The following KCNQ1 variants were observed in gnomAD, a reference collection of about 807,000 sequenced individuals.
KCNQ1 encodes potassium voltage-gated channel subfamily Q member 1.
In KCNQ1, 49 loss-of-function variants were observed where a neutral mutation model predicts 72.4. That is an observed-to-expected ratio of 0.68 (90% CI 0.54 to 0.86). The LOEUF is 0.86. Among genes scored for constraint, KCNQ1 ranks in the 40% least tolerant of loss-of-function variants. KCNQ1 has a pLI of 0.00. For synonymous variants in KCNQ1, 450 were observed against 412.6 expected, an observed-to-expected ratio of 1.09 and a Z score of -1.10; for missense variants, 790 against 945.1, an observed-to-expected ratio of 0.84 and a Z score of 2.15.
At chr11:2,641,708 T>C (rs1454540229) in intron 10 of KCNQ1, 1 of 398,326 alleles carries the variant, frequency 2.5e-6, no homozygotes, top group African/African-American at 2.1e-5. Context: ...AATCTTTCCC[T>C]AGACCAATGT....
chr11:2,656,169 T>G (rs560855435), intron 10 of KCNQ1: 2 of 398,540 alleles, frequency 5.0e-6, no homozygotes, highest in African/African-American at 4.1e-5. Context: ...CATCAAAATA[T>G]GTTTTTTCTT....
Position 2,508,778 on chromosome 11 carries a change from G to A in KCNQ1, c.387-19150G>A, listed in dbSNP as rs1014080412. Among the ~76,000 whole-genome samples, 4 of 152,214 alleles carry A rather than the reference G, an allele frequency of 2.6e-5. No individual in the cohort carries two copies. The highest frequency in any genetic ancestry group is 7.2e-5 in the African/African-American group (3 of 41,462). On this transcript the variant is annotated intron_variant, in intron 1 of 15. Coordinates refer to ENST00000155840, the MANE Select transcript of KCNQ1 (RefSeq NM_000218.3). This position sits in a 1 kb window ranked among gnomAD's most constrained non-coding sequence, Gnocchi z 6.2. Reference sequence around the variant, plus strand: ...AAGACTGTTGAACTAAGCTTTTTAGGAAGAAAGCCATCAATTCCCCTGCTC... The same window carrying A: ...AAGACTGTTGAACTAAGCTTTTTAGAAAGAAAGCCATCAATTCCCCTGCTC...
At position 2,782,063 on chromosome 11, in the gene KCNQ1, A is replaced by G. The variant is rs1360757945; in HGVS notation, c.1794+4026A>G. 6.6e-6 allele frequency among the ~76,000 whole-genome samples: 1 copy of G among 151,948 alleles called. No homozygotes were observed. Among genetic ancestry groups the G allele is most frequent in the African/African-American group, 2.4e-5 (1 of 41,348 alleles). On this transcript the variant is annotated intron_variant, in intron 15 of 15. Transcript: ENST00000155840. This position sits in a 1 kb window ranked among gnomAD's most constrained non-coding sequence, Gnocchi z 6.1. ...TGGGTGTTTGCCCCCAGACACTGCT[A>G]CCCTTTCCCTCATTCCAGTGTGACT...
At chr11:2,485,560 T>C (rs1219760723) in intron 1 of KCNQ1, among the ~76,000 whole-genome samples, 1 of 152,218 alleles carries the variant, frequency 6.6e-6, no homozygotes, top group Non-Finnish European at 1.5e-5. Context: ...CCATTTTAAC[T>C]ATTTTTAAGC....
In KCNQ1 at chr11:2,691,532, G is replaced by T. The variant is rs749551427; in HGVS notation, c.1514+29451G>T. 1 of 398,436 alleles carries T rather than the reference G, an allele frequency of 2.5e-6. No homozygotes were observed. The highest frequency in any genetic ancestry group is 2.1e-5 in the African/African-American group (1 of 48,582). The allele number at this position is 398,436 out of a possible 1,614,324, so 24.7% of individuals were successfully genotyped here. Reference sequence around the variant, plus strand: ...GCTTGCTTGGCTTTGCATTAAAGTTGGGGGGATTTCTCTATCCTGAGGTTA... The same window carrying T: ...GCTTGCTTGGCTTTGCATTAAAGTTTGGGGGATTTCTCTATCCTGAGGTTA... On this transcript the variant is annotated intron_variant, in intron 11 of 15. Transcript: ENST00000155840. This position sits in a 1 kb window ranked among gnomAD's most constrained non-coding sequence, Gnocchi z 6.4.
Position 2,661,591 on chromosome 11 carries a change from C to G in KCNQ1, c.1394-370C>G. Reference sequence around the variant, plus strand: ...ATGTATGGTGGTGGGAGCTGTTGTCCCTTACCAGGCCTGTGCCTGTCACCT... The same window carrying G: ...ATGTATGGTGGTGGGAGCTGTTGTCGCTTACCAGGCCTGTGCCTGTCACCT... On this transcript the variant is annotated intron_variant, in intron 10 of 15. Coordinates refer to ENST00000155840, the MANE Select transcript of KCNQ1 (RefSeq NM_000218.3). The surrounding 1 kb of genome is among the most constrained non-coding windows in gnomAD (Gnocchi z 5.9). 1 of 563,474 alleles carries G rather than the reference C, an allele frequency of 1.8e-6. No homozygotes were observed. 34.9% of individuals were successfully genotyped at this position (563,474 alleles called of 1,614,324 possible).
chr11:2,606,602 T>C (rs192144430), intron 10 of KCNQ1, among the ~76,000 whole-genome samples: 192 of 152,286 alleles, frequency 1.3e-3, no homozygotes, highest in African/African-American at 4.4e-3. Context: ...TGGTGCCATA[T>C]TTCCTGTATA....
intron 11 of KCNQ1, among the ~76,000 whole-genome samples, chr11:2,718,429 C>T (rs1851136582): frequency 6.6e-6 from 1 of 152,204 alleles, no homozygotes; most frequent in Non-Finnish European, 1.5e-5. Flanking sequence ...CAGCCCCTCC[C>T]CGTAGCCTCA....
intron 1 of KCNQ1, among the ~76,000 whole-genome samples, chr11:2,511,570 A>G (rs1195532401): frequency 6.6e-6 from 1 of 152,084 alleles, no homozygotes; most frequent in East Asian, 1.9e-4. Flanking sequence ...AGAGGTGCCA[A>G]CCTGCCCCTC....
In KCNQ1 at chr11:2,459,479, A is replaced by AG. The variant is rs1200068636; in HGVS notation, c.386+13996dup. Among the ~76,000 whole-genome samples, 5 of 152,266 alleles carry AG rather than the reference A, an allele frequency of 3.3e-5. No individual in the cohort carries two copies. The East Asian group carries it at 9.7e-4, about 29-fold the overall frequency. On this transcript the variant is annotated intron_variant, in intron 1 of 15. Transcript: ENST00000155840. ...GGTAATGAGGAGCTGTGCGGGTCTGAGACAGCTCTGGTTCCTTTAAGGGTA... is the reference window on the plus strand; with the variant it reads ...GGTAATGAGGAGCTGTGCGGGTCTGAGGACAGCTCTGGTTCCTTTAAGGGTA...
At chr11:2,758,820 C>T (rs1384891863) in intron 11 of KCNQ1, among the ~76,000 whole-genome samples, 2 of 152,112 alleles carry the variant, frequency 1.3e-5, no homozygotes. Context: ...TGTGTGATTC[C>T]GTATAGATAA....
chr11:2,777,097 C>T (rs1846722059), intron 14 of KCNQ1, 65 bp downstream of exon 14: 28 of 1,478,510 alleles, frequency 1.9e-5, no homozygotes, highest in Non-Finnish European at 2.4e-5. Flanking sequence ...CACCTCTGCC[C>T]TCCTGGCTCT....
At chr11:2,640,128 G>T in intron 10 of KCNQ1, 1 of 329,636 alleles carries the variant, frequency 3.0e-6, no homozygotes, top group Non-Finnish European at 5.4e-6. Context: ...GGCTAGGAAA[G>T]GGAATTCCCT....
Position 2,521,618 on chromosome 11 carries a change from C to A in KCNQ1, c.387-6310C>A, listed in dbSNP as rs539566591. On this transcript the variant is annotated intron_variant, in intron 1 of 15. Transcript: ENST00000155840. The stretch of plus-strand genomic sequence containing the variant: ...TTCCAGCTGGAGTTCTAAGGGCACC[C>A]CTTGAGCTGCCCACGTGTCTTTGCA... 1.8e-4 allele frequency: 79 copies of A among 449,412 alleles called. 1 individual carries two copies. The highest frequency in any genetic ancestry group is 1.5e-3 in the African/African-American group (74 of 49,534). The allele number at this position is 449,412 out of a possible 1,614,324, so 27.8% of individuals were successfully genotyped here.
chr11:2,593,409 C>CT lies in KCNQ1; in HGVS notation c.1393+4556dup, dbSNP rs1458775570. Reference sequence around the variant, plus strand: ...CTTTTGCTGCTCAGAGAACACTGGGCTGTAAGGTCGTGGTCTGTGACGTAG... The same window carrying CT: ...CTTTTGCTGCTCAGAGAACACTGGGCTTGTAAGGTCGTGGTCTGTGACGTAG... On this transcript the variant is annotated intron_variant, in intron 10 of 15. Transcript: ENST00000155840. This position sits in a 1 kb window ranked among gnomAD's most constrained non-coding sequence, Gnocchi z 6.9. 6.6e-6 allele frequency among the ~76,000 whole-genome samples: 1 copy of CT among 152,040 alleles called. No homozygotes were observed. The highest frequency in any genetic ancestry group is 1.5e-5 in the Non-Finnish European group (1 of 67,996).
rs1312458170 is a variant in KCNQ1, at chr11:2,620,211, ATT to A, written c.1393+31368_1393+31369del. ...TAAGTTCATTCATGTATATATATAT[ATT>A]TTTTTTTTTTATTTTTTTTTTAGAC... On this transcript the variant is annotated intron_variant, in intron 10 of 15. Transcript: ENST00000155840. This position sits in a 1 kb window ranked among gnomAD's most constrained non-coding sequence, Gnocchi z 4.5. 4.5e-3 allele frequency: 1,162 copies of A among 255,992 alleles called. No homozygotes were observed. Among genetic ancestry groups the A allele is most frequent in the East Asian group, 0.01 (158 of 15,452 alleles). The allele number at this position is 255,992 out of a possible 1,614,324, so 15.9% of individuals were successfully genotyped here. A position where few individuals can be genotyped will look rare whatever the true frequency, so the allele number is the denominator to read the frequency against.
Position 2,776,065 on chromosome 11 carries a change from C to A in KCNQ1, c.1685+11C>A, listed in dbSNP as rs771175999. 3.0e-5 allele frequency: 46 copies of A among 1,549,082 alleles called. No individual in the cohort carries two copies. The highest frequency in any genetic ancestry group is 3.8e-5 in the Non-Finnish European group (43 of 1,145,450). ...GGAGCTGCAGAGGAGGTGGGCACGG[C>A]CAAACGGCAGCGGGGAGGGTGCCCA... On this transcript the variant is annotated intron_variant, in intron 13 of 15. Transcript: ENST00000155840.
At chr11:2,644,015 G>A (rs145720325) in intron 10 of KCNQ1, 57 of 398,374 alleles carry the variant, frequency 1.4e-4, no homozygotes, top group African/African-American at 6.8e-4. Context: ...CTCTTTTATC[G>A]CTGGTTTTAT....
At chr11:2,689,632 C>T in intron 11 of KCNQ1, 1 of 398,686 alleles carries the variant, frequency 2.5e-6, no homozygotes, top group Non-Finnish European at 4.4e-6. Context: ...ACAAAACAAG[C>T]CAGCAGGTGC....
Sources: gnomAD v4.1 joint callset for allele counts (sites outside exome capture counted in the v4.1 genomes callset) on GRCh38, gnomAD v4.1.1 for gene constraint, Gnocchi (gnomAD v3.1) non-coding constraint, MANE v1.5 for transcripts, NCBI Gene and HGNC (gene_info 2026-07-23, HGNC 2026-07-21) for gene names.